Variants in ZNF74 observed in about 807,000 individuals in gnomAD.
ZNF74 encodes zinc finger protein 74, also known as zinc finger protein 520.
Under a neutral mutation model 17.7 loss-of-function variants are expected in ZNF74, and 12 were observed. The observed-to-expected ratio is 0.68, with a 90% CI of 0.43 to 1.10. The LOEUF (loss-of-function observed/expected upper bound fraction) is 1.10. Ranked by LOEUF, ZNF74 falls within the 50% of genes least tolerant of loss-of-function variation. The probability of loss-of-function intolerance (pLI) is 0.00; values close to 1 mark genes in which losing one functional copy is unlikely to be tolerated. For synonymous variants in ZNF74, 358 were observed against 362.1 expected, an observed-to-expected ratio of 0.99 and a Z score of 0.13; for missense variants, 811 against 881.0, an observed-to-expected ratio of 0.92 and a Z score of 1.01.
rs781678835 is a variant in ZNF74, at chr22:20,406,275, G to A, written c.1242G>A (p.Lys414=). 3 of 1,611,856 alleles carry A rather than the reference G, an allele frequency of 1.9e-6. No individual in the cohort carries two copies. The highest frequency in any genetic ancestry group is 2.5e-6 in the Non-Finnish European group (3 of 1,179,888). The change falls in exon 5 of 5, where the codon AAG becomes AAA. Residue 414 remains lysine, a synonymous_variant. Transcript: ENST00000400451. ...TVHEKIHSGD[K]PFKCSDCEKA... ...ATGAGAAGATCCACAGCGGGGACAA[G>A]CCGTTCAAGTGCAGCGACTGCGAGA...
At chr22:20,394,885 C>T (rs1328997537) in intron 1 of ZNF74, 2 of 553,878 alleles carry the variant, frequency 3.6e-6, no homozygotes, top group African/African-American at 1.9e-5. Flanking sequence ...CTCAACCTCC[C>T]AAGTAGTTGG....
At chr22:20,396,592 T>C (rs2052296616) in intron 2 of ZNF74, among the ~76,000 whole-genome samples, 3 of 152,094 alleles carry the variant, frequency 2.0e-5, no homozygotes, top group Non-Finnish European at 4.4e-5. Context: ...TGCATGTATG[T>C]ATGTCTGTAT....
intron 2 of ZNF74, among the ~76,000 whole-genome samples, chr22:20,398,316 CAAAAAAAAAAAAAA>C (rs362022): frequency 5.5e-5 from 7 of 128,144 alleles, no homozygotes; most frequent in Non-Finnish European, 1.6e-5. Flanking sequence ...GACCATGTCT[CAAAAAAAAAAAAAA>C]AAAAAAAAAA....
At chr22:20,398,174 C>G (rs1165489766) in intron 2 of ZNF74, among the ~76,000 whole-genome samples, 1 of 152,002 alleles carries the variant, frequency 6.6e-6, no homozygotes, top group Non-Finnish European at 1.5e-5. Context: ...AAAAATTTAG[C>G]TGGGCGTTAG....
intron 3 of ZNF74, 86 bp downstream of exon 3, chr22:20,400,844 G>T: frequency 1.3e-6 from 2 of 1,486,396 alleles, no homozygotes; most frequent in Non-Finnish European, 1.8e-6. Flanking sequence ...TTCAGTGCCG[G>T]CCCTGGTGCC....
chr22:20,401,258 A>G lies in ZNF74; in HGVS notation c.248-19A>G. 1 of 1,585,410 alleles carries G rather than the reference A, an allele frequency of 6.3e-7. No homozygotes were observed. Among genetic ancestry groups the G allele is most frequent in the Non-Finnish European group, 8.6e-7 (1 of 1,158,370 alleles). On this transcript the variant is annotated intron_variant, in intron 3 of 4. Transcript: ENST00000400451. The surrounding 1 kb of genome is among the most constrained non-coding windows in gnomAD (Gnocchi z 4.2). ...TGGAGAGCTGCAGCATGCCCAGCCC[A>G]CTTTCTCTCCACGAGCAGGACCTCC...
intron 2 of ZNF74, chr22:20,399,571 C>CTTT (rs362136): frequency 2.1e-3 from 710 of 341,258 alleles, no homozygotes; most frequent in South Asian, 3.6e-3. Context: ...TTTACATGTC[C>CTTT]TTTTTTTTTT....
intron 4 of ZNF74, among the ~76,000 whole-genome samples, chr22:20,403,639 C>A (rs1201036662): frequency 6.6e-6 from 1 of 152,078 alleles, no homozygotes; most frequent in Non-Finnish European, 1.5e-5. Context: ...CACAGGGACT[C>A]ACACATCTAA....
At chr22:20,400,911 G>T in intron 3 of ZNF74, 153 bp downstream of exon 3, 1 of 932,910 alleles carries the variant, frequency 1.1e-6, no homozygotes, top group South Asian at 1.6e-5. Flanking sequence ...ATGGCCAGGG[G>T]CCTCGGCCAC....
At chr22:20,400,392 A>C in intron 2 of ZNF74, 1 of 511,618 alleles carries the variant, frequency 2.0e-6, no homozygotes, top group Non-Finnish European at 3.6e-6. Context: ...TGTGGTGTCT[A>C]TTCAGACCTG....
chr22:20,400,906 CA>C lies in ZNF74; in HGVS notation c.247+149del, dbSNP rs962866982. ...GCCTGTGCCTTGGGGCACTCATGGC[CA>C]GGGGCCTCGGCCACGCCAGAAGTCC... On this transcript the variant is annotated intron_variant, in intron 3 of 4. Coordinates refer to ENST00000400451, the MANE Select transcript of ZNF74 (RefSeq NM_003426.4). The C allele has an allele frequency of 4.0e-5, 40 of 1,003,372 alleles. No individual in the cohort carries two copies. In the Middle Eastern group the frequency reaches 1.5e-3, roughly 38 times the overall value. The allele number at this position is 1,003,372 out of a possible 1,614,324, so 62.2% of individuals were successfully genotyped here.
At chr22:20,404,309 A>G (rs966830981) in intron 4 of ZNF74, among the ~76,000 whole-genome samples, 13 of 152,264 alleles carry the variant, frequency 8.5e-5, no homozygotes, top group African/African-American at 2.9e-4. Context: ...CTAAAGGAAG[A>G]GTACAGCTTT....
chr22:20,395,031 G>A (rs2052276764), intron 1 of ZNF74: 1 of 451,056 alleles, frequency 2.2e-6, no homozygotes, highest in Admixed American at 3.9e-5. Context: ...GGGATTACAG[G>A]CGTGAGCCAT....
intron 1 of ZNF74, chr22:20,394,987 A>T (rs1036670742): frequency 6.6e-5 from 29 of 436,672 alleles, no homozygotes; most frequent in Non-Finnish European, 1.2e-4. Context: ...TCTTAAGCTC[A>T]AGCGATCCGC....
At chr22:20,395,895 GT>G (rs2052287358) in intron 2 of ZNF74, among the ~76,000 whole-genome samples, 1 of 152,116 alleles carries the variant, frequency 6.6e-6, no homozygotes, top group African/African-American at 2.4e-5. Context: ...ACATCCCTGT[GT>G]GCTTTCCTCT....
In ZNF74 at chr22:20,405,726, G is replaced by A. The variant is rs753056081; in HGVS notation, c.693G>A (p.Lys231=). The A allele has an allele frequency of 5.6e-6, 9 of 1,603,156 alleles. No homozygotes were observed. Among genetic ancestry groups the A allele is most frequent in the Non-Finnish European group, 7.7e-6 (9 of 1,175,264 alleles). ...ENASTPSEPE[K]FPQVRRQRGA... ...CCTCCACGCCAAGTGAGCCAGAAAA[G>A]TTCCCCCAGGTGCGCCGGCAGCGCG... Residue 231 remains lysine, a synonymous_variant, in exon 5 of 5, where the codon AAG becomes AAA. Transcript: ENST00000400451.
At chr22:20,397,193 C>T (rs974842997) in intron 2 of ZNF74, among the ~76,000 whole-genome samples, 3 of 152,072 alleles carry the variant, frequency 2.0e-5, no homozygotes, top group South Asian at 2.1e-4. Flanking sequence ...TCCCCCACCT[C>T]GGCCTCCTAA....
rs2052455886 is a variant in ZNF74, at chr22:20,408,369, A to C, written c.*1401A>C. ...TTTCAGTATGCTTTTTAAATTATGC[A>C]GGCAAAATAACCACACTTCAGAAAA... On this transcript the variant is annotated 3_prime_UTR_variant, in exon 5 of 5. Coordinates refer to ENST00000400451, the MANE Select transcript of ZNF74 (RefSeq NM_003426.4). The C allele has an allele frequency of 6.6e-6, 1 of 152,250 alleles. No individual in the cohort carries two copies. Among genetic ancestry groups the C allele is most frequent in the Non-Finnish European group, 1.5e-5 (1 of 68,044 alleles). 9.4% of individuals were successfully genotyped at this position (152,250 alleles called of 1,614,324 possible).
chr22:20,405,616 G>T lies in ZNF74; in HGVS notation c.583G>T (p.Gly195Ter). The T allele has an allele frequency of 6.2e-7, 1 of 1,613,292 alleles. No individual in the cohort carries two copies. The change falls in exon 5 of 5, where the codon GGA becomes TGA. Residue 195 changes from glycine to a stop codon, truncating the protein, a stop_gained. Coordinates refer to ENST00000400451, the MANE Select transcript of ZNF74 (RefSeq NM_003426.4). LOFTEE classifies it low-confidence loss of function (END_TRUNC). ...LFAQQRVPEG[G>*]PLLDTRKNVQ... is the part of the protein sequence containing the mutation. ...CGCCCAGCAACGCGTTCCCGAGGGG[G>T]GACCCTTGCTGGACACACGCAAGAA...
Sources: allele counts gnomAD v4.1 joint callset (sites outside exome capture counted in the v4.1 genomes callset), GRCh38; gene constraint gnomAD v4.1.1; non-coding constraint Gnocchi (gnomAD v3.1); transcripts MANE v1.5; gene names NCBI Gene and HGNC (gene_info 2026-07-23, HGNC 2026-07-21).